The following LIMD1 variants were observed in gnomAD, a reference collection of about 807,000 sequenced individuals.
LIMD1 encodes the protein LIM domain containing 1.
A neutral mutation model predicts 58.4 loss-of-function variants in LIMD1; 23 were observed. That is an observed-to-expected ratio of 0.39 (90% CI 0.28 to 0.56). The LOEUF is 0.56. Ranked by LOEUF, LIMD1 falls within the 20% of genes least tolerant of loss-of-function variation. The probability of loss-of-function intolerance (pLI) is 0.57; values close to 1 mark genes in which losing one functional copy is unlikely to be tolerated. For missense variants in LIMD1, 838 were observed against 855.5 expected (o/e 0.98, Z 0.25); for synonymous variants, 334 against 345.5 (o/e 0.97, Z 0.37).
intron 1 of LIMD1, among the ~76,000 whole-genome samples, chr3:45,621,956 G>A (rs1190194882): frequency 2.0e-5 from 3 of 151,840 alleles, no homozygotes; most frequent in East Asian, 1.9e-4. Context: ...CCAGCTACTC[G>A]GGAGGCTGAG....
intron 1 of LIMD1, among the ~76,000 whole-genome samples, chr3:45,634,495 A>C (rs1701767274): frequency 6.6e-6 from 1 of 152,242 alleles, no homozygotes; most frequent in African/African-American, 2.4e-5. Flanking sequence ...TTTAAGCTGA[A>C]GGCACTTTTT....
intron 1 of LIMD1, among the ~76,000 whole-genome samples, chr3:45,622,598 A>G (rs1386500845): frequency 6.6e-6 from 1 of 152,090 alleles, no homozygotes; most frequent in East Asian, 1.9e-4. Context: ...TGTTTTGACA[A>G]TGGTTGACTG....
In LIMD1 at chr3:45,683,620, C is replaced by T. The variant is rs1697770621; in HGVS notation, c.*6561C>T. The T allele has an allele frequency of 6.6e-6, 1 of 152,218 alleles. No homozygotes were observed. Among genetic ancestry groups the T allele is most frequent in the Admixed American group, 6.5e-5 (1 of 15,286 alleles). 9.4% of individuals were successfully genotyped at this position (152,218 alleles called of 1,614,324 possible). A position where few individuals can be genotyped will look rare whatever the true frequency, so the allele number is the denominator to read the frequency against. Reference sequence around the variant, plus strand: ...CTTCAGCCTCTGATTGGTCCCCTCCCACAACCAATCAAACTGATCATGGAC... The same window carrying T: ...CTTCAGCCTCTGATTGGTCCCCTCCTACAACCAATCAAACTGATCATGGAC... On this transcript the variant is annotated 3_prime_UTR_variant, in exon 8 of 8. Transcript: ENST00000273317.
chr3:45,635,264 G>A (rs572315715), intron 1 of LIMD1, among the ~76,000 whole-genome samples: 3 of 151,916 alleles, frequency 2.0e-5, no homozygotes, highest in East Asian at 1.9e-4. Context: ...TCTCTCTCTC[G>A]ATGGATGATC....
At chr3:45,602,926 G>A (rs1437176610) in intron 1 of LIMD1, among the ~76,000 whole-genome samples, 9 of 151,244 alleles carry the variant, frequency 6.0e-5, no homozygotes, top group African/African-American at 1.7e-4. Context: ...TGCGGCCACC[G>A]CCTCCCCGGG....
chr3:45,673,091 G>A (rs998431306), intron 5 of LIMD1, among the ~76,000 whole-genome samples: 1 of 151,298 alleles, frequency 6.6e-6, no homozygotes, highest in Admixed American at 6.6e-5. Context: ...GCTAGGCCTC[G>A]GGAGGAATCC....
At chr3:45,661,101 G>A (rs773016722) in intron 2 of LIMD1, among the ~76,000 whole-genome samples, 1 of 152,162 alleles carries the variant, frequency 6.6e-6, no homozygotes, top group Non-Finnish European at 1.5e-5. Context: ...GACCTAAAGA[G>A]TTGTGGCCTT....
In LIMD1 at chr3:45,603,788, C is replaced by T. The variant is rs933682999; in HGVS notation, c.1408+7501C>T. On this transcript the variant is annotated intron_variant, in intron 1 of 7. Transcript: ENST00000273317. ...AAGTGCTGGGATTACAGTCGTGAGC[C>T]ACTGTGCCCAGCCCATGCATTTTTT... Among the ~76,000 whole-genome samples the T allele has an allele frequency of 2.6e-5, 4 of 152,188 alleles. No homozygotes were observed. In the East Asian group the frequency reaches 7.7e-4, roughly 29 times the overall value.
At chr3:45,652,175 C>G (rs1296615165) in intron 2 of LIMD1, among the ~76,000 whole-genome samples, 1 of 152,146 alleles carries the variant, frequency 6.6e-6, no homozygotes, top group East Asian at 1.9e-4. Context: ...GATACGCCTT[C>G]CTTGGCCTCC....
Position 45,684,227 on chromosome 3 carries a change from C to T in LIMD1, c.*7168C>T, listed in dbSNP as rs1697780810. 1 of 152,212 alleles carries T rather than the reference C, an allele frequency of 6.6e-6. No homozygotes were observed. The highest frequency in any genetic ancestry group is 1.5e-5 in the Non-Finnish European group (1 of 68,066). 9.4% of individuals were successfully genotyped at this position (152,212 alleles called of 1,614,324 possible). On this transcript the variant is annotated 3_prime_UTR_variant, in exon 8 of 8. Transcript: ENST00000273317. ...TGTGTAAGGCAGCCTCAGGGACTGC[C>T]ACCACTTGGTCACATACATGTCCCT...
In LIMD1 at chr3:45,686,069, C is replaced by T. The variant is rs1422056610; in HGVS notation, c.*9010C>T. 6.6e-6 allele frequency: 1 copy of T among 152,176 alleles called. No homozygotes were observed. Among genetic ancestry groups the T allele is most frequent in the East Asian group, 1.9e-4 (1 of 5,194 alleles). 9.4% of individuals were successfully genotyped at this position (152,176 alleles called of 1,614,324 possible). A position where few individuals can be genotyped will look rare whatever the true frequency, so the allele number is the denominator to read the frequency against. Reference sequence around the variant, plus strand: ...GCTATATCCGCAATTCCCAGGAATTCGTCTGATTGATAACGCCCAAAGCCC... The same window carrying T: ...GCTATATCCGCAATTCCCAGGAATTTGTCTGATTGATAACGCCCAAAGCCC... On this transcript the variant is annotated 3_prime_UTR_variant, in exon 8 of 8. Transcript: ENST00000273317.
chr3:45,657,547 A>G (rs1358415290), intron 2 of LIMD1, among the ~76,000 whole-genome samples: 2 of 150,906 alleles, frequency 1.3e-5, no homozygotes, highest in South Asian at 2.1e-4. Flanking sequence ...AAAAAAAAGG[A>G]AAAAGAAAGA....
At chr3:45,611,483 G>A (rs1301552556) in intron 1 of LIMD1, among the ~76,000 whole-genome samples, 2 of 152,230 alleles carry the variant, frequency 1.3e-5, no homozygotes, top group Non-Finnish European at 2.9e-5. Context: ...CCAAAGAGAT[G>A]GCCCATCCCC....
intron 1 of LIMD1, among the ~76,000 whole-genome samples, chr3:45,598,448 G>T (rs1050559389): frequency 2.6e-5 from 4 of 152,228 alleles, no homozygotes; most frequent in Admixed American, 2.0e-4. Flanking sequence ...GCAAGTTTAT[G>T]CTGTGCATCA....
chr3:45,608,185 TTCACTTTTCTGTCC>T (rs1408502874), intron 1 of LIMD1, among the ~76,000 whole-genome samples: 1 of 152,228 alleles, frequency 6.6e-6, no homozygotes, highest in Non-Finnish European at 1.5e-5. Flanking sequence ...ACTTTTCTGC[TTCACTTTTCTGTCC>T]TCAGTTTCTT....
At chr3:45,649,925 T>C (rs1701951005) in intron 2 of LIMD1, among the ~76,000 whole-genome samples, 1 of 149,264 alleles carries the variant, frequency 6.7e-6, no homozygotes, top group African/African-American at 2.5e-5. Flanking sequence ...GTATGTGACA[T>C]GTTTTTCCCC....
chr3:45,638,610 A>G (rs1701811822), intron 2 of LIMD1, among the ~76,000 whole-genome samples: 1 of 152,346 alleles, frequency 6.6e-6, no homozygotes, highest in Non-Finnish European at 1.5e-5. Context: ...GGTGATAAAC[A>G]TACGAGTGCA....
At chr3:45,636,279 G>A (rs1302948124) in intron 2 of LIMD1, 28 bp downstream of exon 2, 1 of 1,510,698 alleles carries the variant, frequency 6.6e-7, no homozygotes, top group Non-Finnish European at 9.1e-7. Context: ...TGTCGGGTGT[G>A]TGGGGGATGC....
At chr3:45,648,746 G>GT (rs1352519461) in intron 2 of LIMD1, among the ~76,000 whole-genome samples, 32 of 151,798 alleles carry the variant, frequency 2.1e-4, no homozygotes, top group Admixed American at 1.1e-3. Flanking sequence ...GGCTTATCTA[G>GT]TTTTTTTATT....
Sources: allele counts gnomAD v4.1 joint callset (sites outside exome capture counted in the v4.1 genomes callset), GRCh38; gene constraint gnomAD v4.1.1; transcripts MANE v1.5; gene names NCBI Gene and HGNC (gene_info 2026-07-23, HGNC 2026-07-21).